The following EPHA5 variants were observed in gnomAD, a reference collection of about 807,000 sequenced individuals.
The protein encoded by EPHA5 is ephrin type-A receptor 5.
A neutral mutation model predicts 105.0 loss-of-function variants in EPHA5; 60 were observed. The observed-to-expected ratio is 0.57, with a 90% CI of 0.46 to 0.71. The LOEUF (loss-of-function observed/expected upper bound fraction) is 0.71. Ranked by LOEUF, EPHA5 falls within the 30% of genes least tolerant of loss-of-function variation. The pLI is 0.00. For synonymous variants in EPHA5, 513 were observed against 449.1 expected (o/e 1.14, Z -1.80); for missense variants, 1,218 against 1,274.7 (o/e 0.96, Z 0.68).
intron 3 of EPHA5, among the ~76,000 whole-genome samples, chr4:65,600,669 CAA>C (rs1743632398): frequency 6.6e-6 from 1 of 152,116 alleles, no homozygotes; most frequent in African/African-American, 2.4e-5. Flanking sequence ...GCTCAGCATT[CAA>C]AGTTCCCTAA....
intron 8 of EPHA5, among the ~76,000 whole-genome samples, chr4:65,383,795 G>T (rs1560477398): frequency 6.6e-6 from 1 of 150,636 alleles, no homozygotes. Context: ...GGGGTTGGGG[G>T]AAGTAGGAAG....
chr4:65,574,054 C>A (rs867996211), intron 3 of EPHA5: 10 of 1,599,584 alleles, frequency 6.3e-6, no homozygotes, highest in Non-Finnish European at 8.6e-6. Flanking sequence ...ATTGCCACCT[C>A]AACCAAAATC....
intron 5 of EPHA5, among the ~76,000 whole-genome samples, chr4:65,465,340 C>T (rs1010163821): frequency 7.3e-5 from 11 of 151,724 alleles, no homozygotes; most frequent in East Asian, 1.9e-4. Context: ...GTAGGAGAAT[C>T]GCTTGAACCC....
intron 3 of EPHA5, among the ~76,000 whole-genome samples, chr4:65,559,265 C>T (rs1738771103): frequency 6.6e-6 from 1 of 152,068 alleles, no homozygotes; most frequent in African/African-American, 2.4e-5. Context: ...AGTTACCATA[C>T]TCATTCATAA....
intron 2 of EPHA5, among the ~76,000 whole-genome samples, chr4:65,635,860 G>A (rs1321892022): frequency 6.6e-6 from 1 of 152,102 alleles, no homozygotes. Context: ...TGTACATATA[G>A]GCTAGTGAAG....
intron 8 of EPHA5, among the ~76,000 whole-genome samples, chr4:65,375,778 CACACACAT>C (rs1311717978): frequency 2.7e-5 from 3 of 110,508 alleles, no homozygotes; most frequent in South Asian, 3.5e-4. Context: ...CACAGAAACA[CACACACAT>C]ACACACACAC....
intron 3 of EPHA5, among the ~76,000 whole-genome samples, chr4:65,530,599 T>G (rs182174856): frequency 2.0e-5 from 3 of 152,308 alleles, no homozygotes; most frequent in Admixed American, 6.5e-5. Flanking sequence ...ATTGAGAAAC[T>G]ATATTAGCAT....
intron 5 of EPHA5, among the ~76,000 whole-genome samples, chr4:65,425,750 G>A (rs1216524391): frequency 6.6e-6 from 1 of 151,974 alleles, no homozygotes; most frequent in Non-Finnish European, 1.5e-5. Flanking sequence ...GCTCACTATT[G>A]TTGCCTGTTA....
intron 11 of EPHA5, among the ~76,000 whole-genome samples, chr4:65,361,765 T>A (rs140284389): frequency 6.6e-6 from 1 of 151,820 alleles, no homozygotes; most frequent in East Asian, 1.9e-4. Context: ...CTGTAGTGTT[T>A]TGTTTAAATT....
chr4:65,618,147 T>TA (rs1268429016), intron 2 of EPHA5, among the ~76,000 whole-genome samples: 1 of 152,140 alleles, frequency 6.6e-6, no homozygotes, highest in Non-Finnish European at 1.5e-5. Flanking sequence ...GTCTTCCACT[T>TA]ACCACCAGAG....
intron 3 of EPHA5, among the ~76,000 whole-genome samples, chr4:65,503,259 C>T (rs947094810): frequency 1.3e-5 from 2 of 151,696 alleles, no homozygotes; most frequent in African/African-American, 4.8e-5. Flanking sequence ...TACATGTAAC[C>T]CCTGAATCTA....
At chr4:65,575,519 T>C (rs1419261644) in intron 3 of EPHA5, among the ~76,000 whole-genome samples, 1 of 152,154 alleles carries the variant, frequency 6.6e-6, no homozygotes, top group Non-Finnish European at 1.5e-5. Context: ...AGTGGCTTAT[T>C]TACTCACATA....
intron 6 of EPHA5, among the ~76,000 whole-genome samples, chr4:65,417,760 A>G (rs1413002070): frequency 1.3e-5 from 2 of 152,142 alleles, no homozygotes; most frequent in Admixed American, 6.5e-5. Flanking sequence ...TAATATCACA[A>G]TGTGGATAAA....
rs4254831 is a variant in EPHA5, at chr4:65,454,106, C to T, written c.1403-33541G>A. Among the ~76,000 whole-genome samples, 1,117 of 152,160 alleles carry T rather than the reference C, an allele frequency of 7.3e-3. 16 individuals are homozygous for T. The highest frequency in any genetic ancestry group is 0.026 in the African/African-American group (1,075 of 41,520). On this transcript the variant is annotated intron_variant, in intron 5 of 16. Coordinates refer to ENST00000613740, the MANE Select transcript of EPHA5 (RefSeq NM_001281766.3). ...AACCAGCCTGACCAATGTGGAAAAA[C>T]CCCGTCTCTACTAAAAATACAAAAT...
chr4:65,404,823 A>T (rs1446658535), intron 7 of EPHA5, among the ~76,000 whole-genome samples: 2 of 152,108 alleles, frequency 1.3e-5, no homozygotes, highest in Non-Finnish European at 2.9e-5. Flanking sequence ...CCTTAATCTA[A>T]ATAGGAGGTG....
At chr4:65,648,282 A>C in intron 1 of EPHA5, among the ~76,000 whole-genome samples, 1 of 152,242 alleles carries the variant, frequency 6.6e-6, no homozygotes, top group East Asian at 1.9e-4. Context: ...CTTGTTCTGT[A>C]TCACTTTGAC....
intron 8 of EPHA5, among the ~76,000 whole-genome samples, chr4:65,375,969 A>G (rs1329801796): frequency 1.3e-5 from 2 of 151,970 alleles, no homozygotes; most frequent in African/African-American, 4.8e-5. Context: ...CAAATTCAAA[A>G]TTTTTAAGAA....
At chr4:65,434,446 C>A (rs1219643694) in intron 5 of EPHA5, among the ~76,000 whole-genome samples, 1 of 151,962 alleles carries the variant, frequency 6.6e-6, no homozygotes, top group East Asian at 1.9e-4. Flanking sequence ...TTTCTAATAT[C>A]TTTATTATGG....
At chr4:65,498,812 T>C (rs1240371428) in intron 3 of EPHA5, among the ~76,000 whole-genome samples, 1 of 151,550 alleles carries the variant, frequency 6.6e-6, no homozygotes, top group Non-Finnish European at 1.5e-5. Context: ...AATAGATGTT[T>C]AGAGAGAAAA....
Sources: gnomAD v4.1 joint callset for allele counts (sites outside exome capture counted in the v4.1 genomes callset) on GRCh38, gnomAD v4.1.1 for gene constraint, MANE v1.5 for transcripts, NCBI Gene and HGNC (gene_info 2026-07-23, HGNC 2026-07-21) for gene names.